Variants in SCOC observed in about 807,000 individuals in gnomAD.
SCOC encodes the protein short coiled-coil protein.
In SCOC, 7 loss-of-function variants were observed where a neutral mutation model predicts 9.9. The observed-to-expected ratio is 0.71, with a 90% CI of 0.40 to 1.33. The LOEUF is 1.33. Among genes scored for constraint, SCOC ranks in the 40% most tolerant of loss-of-function variants. The probability of loss-of-function intolerance (pLI) is 0.01; values close to 1 mark genes in which losing one functional copy is unlikely to be tolerated. For synonymous variants in SCOC, 19 were observed against 28.2 expected, an observed-to-expected ratio of 0.67 and a Z score of 1.03; for missense variants, 66 against 89.7, an observed-to-expected ratio of 0.74 and a Z score of 1.07.
At chr4:140,345,927 T>C (rs1411727084) in intron 2 of SCOC, among the ~76,000 whole-genome samples, 1 of 152,240 alleles carries the variant, frequency 6.6e-6, no homozygotes, top group African/African-American at 2.4e-5. Context: ...GGATTCCAGA[T>C]ACAATGCTAC....
At chr4:140,306,102 G>T (rs1731973690) in intron 1 of SCOC, among the ~76,000 whole-genome samples, 2 of 152,152 alleles carry the variant, frequency 1.3e-5, no homozygotes, top group South Asian at 4.1e-4. Context: ...AAAGGAAAAA[G>T]GTTTAATTGA....
chr4:140,304,880 CT>C (rs1271200637), intron 1 of SCOC, among the ~76,000 whole-genome samples: 2 of 152,176 alleles, frequency 1.3e-5, no homozygotes, highest in Non-Finnish European at 2.9e-5. Context: ...CCCTTTTCTC[CT>C]TTTGCTATCT....
rs1318742232 is a variant in SCOC at position 140,381,521 on chromosome 4, TCTTC to T, written c.*424_*427del. ...ATCTTGTGCCTCTTCTCCATTTGCC[TCTTC>T]CTTCCTATTTCCCTTCCGCTAAGGA... On this transcript the variant is annotated 3_prime_UTR_variant, in exon 4 of 4. Coordinates refer to ENST00000608372, the MANE Select transcript of SCOC (RefSeq NM_001153484.2). The T allele has an allele frequency of 6.5e-6, 1 of 152,922 alleles. No individual in the cohort carries two copies. The highest frequency in any genetic ancestry group is 2.1e-4 in the South Asian group (1 of 4,836). 9.5% of individuals were successfully genotyped at this position (152,922 alleles called of 1,614,324 possible). A position where few individuals can be genotyped will look rare whatever the true frequency, so the allele number is the denominator to read the frequency against.
chr4:140,357,851 G>A (rs1039172438), intron 2 of SCOC, among the ~76,000 whole-genome samples: 11 of 83,524 alleles, frequency 1.3e-4, no homozygotes, highest in Admixed American at 8.2e-4. Context: ...TCTTTAATTC[G>A]TTATACCCCA....
intron 1 of SCOC, among the ~76,000 whole-genome samples, chr4:140,334,726 TGGAATAGCA>T (rs1229858825): frequency 2.0e-5 from 3 of 152,122 alleles, no homozygotes; most frequent in African/African-American, 7.2e-5. Context: ...TTTATACCTA[TGGAATAGCA>T]ATTCCCCACC....
intron 2 of SCOC, among the ~76,000 whole-genome samples, chr4:140,344,193 A>G (rs376306147): frequency 5.3e-5 from 8 of 152,324 alleles, no homozygotes; most frequent in African/African-American, 1.9e-4. Context: ...GTGGGAGAGC[A>G]GTTCTAAAAT....
intron 1 of SCOC, among the ~76,000 whole-genome samples, chr4:140,317,993 C>T (rs1483253567): frequency 6.6e-6 from 1 of 151,028 alleles, no homozygotes; most frequent in Non-Finnish European, 1.5e-5. Context: ...ATGATGGTTT[C>T]CAATTTCATC....
intron 1 of SCOC, among the ~76,000 whole-genome samples, chr4:140,294,213 A>G (rs747047661): frequency 3.3e-5 from 5 of 152,114 alleles, no homozygotes; most frequent in Non-Finnish European, 7.4e-5. Context: ...TTTCCCTTCA[A>G]CTTCCAGTGA....
chr4:140,279,602 G>A (rs899936068), intron 1 of SCOC, among the ~76,000 whole-genome samples: 6 of 152,134 alleles, frequency 3.9e-5, no homozygotes, highest in Admixed American at 1.3e-4. Context: ...AAGATGTAAC[G>A]TATTTGCCTT....
intron 2 of SCOC, among the ~76,000 whole-genome samples, chr4:140,356,226 A>T (rs1353544810): frequency 6.6e-6 from 1 of 152,148 alleles, no homozygotes; most frequent in Non-Finnish European, 1.5e-5. Context: ...ACTATAGAAA[A>T]TTTTCAAGTA....
At chr4:140,374,033 A>T (rs1355508471) in intron 1 of SCOC, 1 of 545,890 alleles carries the variant, frequency 1.8e-6, no homozygotes, top group Non-Finnish European at 3.5e-6. Flanking sequence ...GCCGCTTTGC[A>T]GCTCTCGGCT....
intron 1 of SCOC, among the ~76,000 whole-genome samples, chr4:140,319,719 A>G (rs1057046344): frequency 6.6e-6 from 1 of 152,180 alleles, no homozygotes; most frequent in Non-Finnish European, 1.5e-5. Context: ...TCGGAGATTT[A>G]AGAGGTTAGA....
intron 1 of SCOC, among the ~76,000 whole-genome samples, chr4:140,259,722 G>A (rs1394437264): frequency 6.6e-6 from 1 of 152,056 alleles, no homozygotes; most frequent in East Asian, 1.9e-4. Flanking sequence ...AAATTAACTA[G>A]CTAAATAAAT....
chr4:140,318,144 A>T (rs1732386826), intron 1 of SCOC, among the ~76,000 whole-genome samples: 1 of 151,020 alleles, frequency 6.6e-6, no homozygotes, highest in South Asian at 2.1e-4. Context: ...AAACCTAGGC[A>T]TTACCATTCA....
chr4:140,319,133 C>T (rs565425349), intron 1 of SCOC, among the ~76,000 whole-genome samples: 2 of 152,156 alleles, frequency 1.3e-5, no homozygotes, highest in Admixed American at 6.5e-5. Flanking sequence ...TTCTTGTTGC[C>T]CAGGCTGGAG....
rs1578891160 is a variant in SCOC at position 140,381,190 on chromosome 4, T to C, written c.*86T>C. The C allele has an allele frequency of 1.5e-6, 2 of 1,305,282 alleles. No individual in the cohort carries two copies. 80.9% of individuals were successfully genotyped at this position (1,305,282 alleles called of 1,614,324 possible). On this transcript the variant is annotated 3_prime_UTR_variant, in exon 4 of 4. Transcript: ENST00000608372. ...ATAGATTCCAAAAGTTACAGTACCTTTGTGGCTTCATTGAATATTTATGAA... is the reference window on the plus strand; with the variant it reads ...ATAGATTCCAAAAGTTACAGTACCTCTGTGGCTTCATTGAATATTTATGAA...
Position 140,269,744 on chromosome 4 carries a change from C to T in SCOC, c.-19+12334C>T, listed in dbSNP as rs528032941. Among the ~76,000 whole-genome samples, 3 of 152,268 alleles carry T rather than the reference C, an allele frequency of 2.0e-5. No homozygotes were observed. The East Asian group carries it at 5.8e-4, about 29-fold the overall frequency. ...ACTAGACAAGTTCCTAGTCTATTCACAAAGGTACCTTTTTTCTTTTTTTAG... is the reference window on the plus strand; with the variant it reads ...ACTAGACAAGTTCCTAGTCTATTCATAAAGGTACCTTTTTTCTTTTTTTAG... On this transcript the variant is annotated intron_variant, in intron 1 of 4. Transcript: ENST00000394205.
At chr4:140,329,314 G>T (rs1184726065) in intron 1 of SCOC, among the ~76,000 whole-genome samples, 1 of 152,170 alleles carries the variant, frequency 6.6e-6, no homozygotes, top group Non-Finnish European at 1.5e-5. Context: ...GTGGCTCAAA[G>T]ACTTAAATCT....
chr4:140,261,300 G>A (rs141424320), intron 1 of SCOC, among the ~76,000 whole-genome samples: 2 of 152,236 alleles, frequency 1.3e-5, no homozygotes, highest in East Asian at 1.9e-4. Context: ...GTGCCTTTAG[G>A]GCTAATGAAA....
Sources: allele counts gnomAD v4.1 joint callset (sites outside exome capture counted in the v4.1 genomes callset), GRCh38; gene constraint gnomAD v4.1.1; transcripts MANE v1.5; gene names NCBI Gene and HGNC (gene_info 2026-07-23, HGNC 2026-07-21).